SDK1: variants seen among roughly 807,000 people sequenced by gnomAD.
The protein encoded by SDK1 is sidekick cell adhesion molecule 1, also known as protein sidekick-1.
Under a neutral mutation model 245.5 loss-of-function variants are expected in SDK1, and 157 were observed. The ratio of observed to expected loss-of-function variants is 0.64; its 90% confidence interval spans 0.56 to 0.73. The LOEUF (loss-of-function observed/expected upper bound fraction) is 0.73, where lower values mean the gene tolerates loss of function less well. Ranked by LOEUF, SDK1 falls within the 30% of genes least tolerant of loss-of-function variation. The pLI is 0.00. For synonymous variants in SDK1, 1,647 were observed against 1,278.5 expected (o/e 1.29, Z -6.15); for missense variants, 3,583 against 3,002.3 (o/e 1.19, Z -4.52).
In SDK1 at chr7:3,958,932, G is replaced by A; in HGVS notation, c.1152G>A (p.Glu384=). The A allele has an allele frequency of 6.2e-7, 1 of 1,612,798 alleles. No individual in the cohort carries two copies. Among genetic ancestry groups the A allele is most frequent in the Non-Finnish European group, 8.5e-7 (1 of 1,178,938 alleles). ...ARATAFLFII[E]PPYFTAEPES... is the part of the protein sequence containing the mutation. ...TTTTTTTTATTTTCTTGTTTGAAGAGCCACCATATTTTACTGCTGAGCCCG... is the reference window on the plus strand; with the variant it reads ...TTTTTTTTATTTTCTTGTTTGAAGAACCACCATATTTTACTGCTGAGCCCG... Residue 384 remains glutamate (E), a splice_region_variant and synonymous_variant, in exon 8 of 45, where the codon GAG becomes GAA. Transcript: ENST00000404826.
intron 1 of SDK1, among the ~76,000 whole-genome samples, chr7:3,487,858 G>A (rs1037045016): frequency 1.3e-5 from 2 of 152,066 alleles, no homozygotes; most frequent in African/African-American, 2.4e-5. Context: ...CAAGCGGAGG[G>A]TGTTGAGCAA....
At chr7:3,795,418 A>T (rs960239349) in intron 4 of SDK1, among the ~76,000 whole-genome samples, 1 of 152,106 alleles carries the variant, frequency 6.6e-6, no homozygotes, top group Non-Finnish European at 1.5e-5. Context: ...CATTTATATT[A>T]CAGAGAAAGG....
chr7:3,380,189 T>C (rs1308201438), intron 1 of SDK1, among the ~76,000 whole-genome samples: 1 of 152,216 alleles, frequency 6.6e-6, no homozygotes, highest in East Asian at 1.9e-4. Flanking sequence ...TTGGCTTATG[T>C]AAATGCAGAG....
At chr7:3,662,189 A>C (rs186472702) in intron 4 of SDK1, among the ~76,000 whole-genome samples, 119 of 152,180 alleles carry the variant, frequency 7.8e-4, no homozygotes, top group Admixed American at 4.0e-3. Flanking sequence ...CCAAATTCTC[A>C]ATAACAATAG....
Position 4,265,181 on chromosome 7 carries a change from A to T in SDK1, c.6439A>T (p.Met2147Leu), listed in dbSNP as rs778300602. 1 of 1,612,388 alleles carries T rather than the reference A, an allele frequency of 6.2e-7. No homozygotes were observed. The highest frequency in any genetic ancestry group is 8.5e-7 in the Non-Finnish European group (1 of 1,179,620). Residue 2147 changes from methionine to leucine, a missense_variant, in exon 45 of 45, where the codon ATG (methionine) becomes TTG (leucine). Physicochemically the swap from Met to Leu is conservative, Grantham distance 15. Transcript: ENST00000404826. ...CAAGCACTCCTTCGTGAACCACTAC[A>T]TGAGCGACCCCACCTACTACAACTC... ...LPKHSFVNHY[M>L]SDPTYYNSWK...
intron 10 of SDK1, among the ~76,000 whole-genome samples, chr7:3,968,774 A>G (rs1395612363): frequency 6.6e-6 from 1 of 152,158 alleles, no homozygotes. Flanking sequence ...CTTTTCCTAC[A>G]ATTTTCACTT....
chr7:3,608,649 G>A lies in SDK1; in HGVS notation c.299-10431G>A, dbSNP rs79101239. On this transcript the variant is annotated intron_variant, in intron 1 of 44. Coordinates refer to ENST00000404826, the MANE Select transcript of SDK1 (RefSeq NM_152744.4). ...TATTTTTTACATTGTATAATGAAAC[G>A]TGTCAACGTTTGGAAGGTCTGCATC... Among the ~76,000 whole-genome samples, 13 of 152,252 alleles carry A rather than the reference G, an allele frequency of 8.5e-5. No homozygotes were observed. The South Asian group carries it at 2.7e-3, about 32-fold the overall frequency.
chr7:3,586,543 A>C (rs1424487207), intron 1 of SDK1, among the ~76,000 whole-genome samples: 5 of 140,702 alleles, frequency 3.6e-5, no homozygotes, highest in African/African-American at 8.1e-5. Context: ...AAAAAATACA[A>C]AAAAAAAAAA....
chr7:3,548,940 C>T (rs1436624511), intron 1 of SDK1, among the ~76,000 whole-genome samples: 1 of 152,204 alleles, frequency 6.6e-6, no homozygotes, highest in East Asian at 1.9e-4. Flanking sequence ...TAAGATCCAG[C>T]CATATAGAAC....
chr7:3,646,003 C>T (rs1022219179), intron 4 of SDK1, among the ~76,000 whole-genome samples: 4 of 152,044 alleles, frequency 2.6e-5, no homozygotes, highest in African/African-American at 9.7e-5. Context: ...AGATTACAGG[C>T]GCACCCCACT....
At chr7:3,973,910 G>A (rs1302029973) in intron 12 of SDK1, among the ~76,000 whole-genome samples, 1 of 151,796 alleles carries the variant, frequency 6.6e-6, no homozygotes, top group Non-Finnish European at 1.5e-5. Flanking sequence ...GGCCAAGTGC[G>A]GTGACTCAGG....
At chr7:3,692,608 A>G (rs1023924200) in intron 4 of SDK1, among the ~76,000 whole-genome samples, 2 of 152,138 alleles carry the variant, frequency 1.3e-5, no homozygotes, top group African/African-American at 4.8e-5. Flanking sequence ...TGTGATAAAA[A>G]TATAAACTCT....
At chr7:4,076,961 A>G in intron 20 of SDK1, 37 bp from the exon 21 acceptor site, 1 of 1,588,662 alleles carries the variant, frequency 6.3e-7, no homozygotes, top group Non-Finnish European at 8.6e-7. Context: ...CTTGGCCTTC[A>G]GGAGACCAAC....
intron 4 of SDK1, among the ~76,000 whole-genome samples, chr7:3,671,298 G>A (rs1007780240): frequency 6.6e-6 from 1 of 152,088 alleles, no homozygotes; most frequent in South Asian, 2.1e-4. Flanking sequence ...ATGTTCTCTA[G>A]AATTCCATCG....
At chr7:3,904,390 T>C (rs1781893928) in intron 5 of SDK1, among the ~76,000 whole-genome samples, 1 of 152,136 alleles carries the variant, frequency 6.6e-6, no homozygotes, top group Non-Finnish European at 1.5e-5. Context: ...GAATATAATA[T>C]AATATAAATA....
chr7:4,004,803 A>C (rs1012448048), intron 14 of SDK1, among the ~76,000 whole-genome samples: 1 of 152,140 alleles, frequency 6.6e-6, no homozygotes, highest in Admixed American at 6.5e-5. Context: ...TATTCAGTCT[A>C]TATTTAATTT....
At chr7:4,241,437 C>T (rs1172118061) in intron 42 of SDK1, among the ~76,000 whole-genome samples, 1 of 152,134 alleles carries the variant, frequency 6.6e-6, no homozygotes. Context: ...GAACTCGAAA[C>T]CAGCCTGGGC....
intron 1 of SDK1, among the ~76,000 whole-genome samples, chr7:3,559,816 C>G (rs1779694583): frequency 6.6e-6 from 1 of 150,778 alleles, no homozygotes; most frequent in South Asian, 2.1e-4. Context: ...AACTTAATGT[C>G]AGTGTAAATT....
intron 1 of SDK1, among the ~76,000 whole-genome samples, chr7:3,484,807 A>G (rs374891351): frequency 2.3e-4 from 35 of 152,242 alleles, no homozygotes; most frequent in Middle Eastern, 3.4e-3. Context: ...TCCAGTTATA[A>G]ACGTGTTGCT....
Sources: allele counts gnomAD v4.1 joint callset (sites outside exome capture counted in the v4.1 genomes callset), GRCh38; gene constraint gnomAD v4.1.1; transcripts MANE v1.5; gene names NCBI Gene and HGNC (gene_info 2026-07-23, HGNC 2026-07-21).